Variants in QRFPR observed in about 807,000 individuals in gnomAD.
QRFPR encodes pyroglutamylated RFamide peptide receptor, also known as pyroglutamylated RF-amide peptide receptor.
A neutral mutation model predicts 31.3 loss-of-function variants in QRFPR; 37 were observed. That is an observed-to-expected ratio of 1.18 (90% CI 0.91 to 1.56). The LOEUF is 1.56. Among genes scored for constraint, QRFPR ranks in the 40% most tolerant of loss-of-function variants. The probability of loss-of-function intolerance (pLI) is 0.00; values close to 1 mark genes in which losing one functional copy is unlikely to be tolerated. For missense variants in QRFPR, 542 were observed against 532.5 expected, an observed-to-expected ratio of 1.02 and a Z score of -0.18; for synonymous variants, 197 against 192.0, an observed-to-expected ratio of 1.03 and a Z score of -0.22.
intron 1 of QRFPR, among the ~76,000 whole-genome samples, chr4:121,349,595 C>T (rs1579577304): frequency 2.0e-5 from 3 of 152,188 alleles, no homozygotes; most frequent in Middle Eastern, 6.8e-3. Flanking sequence ...GACACATACC[C>T]CCCATTTAAT....
chr4:121,329,743 C>T (rs148645847), intron 5 of QRFPR, 29 bp from the exon 6 acceptor site: 107 of 1,389,308 alleles, frequency 7.7e-5, no homozygotes, highest in South Asian at 2.7e-4. Context: ...TTAGAATGTA[C>T]GTTTATTTTA....
intron 1 of QRFPR, among the ~76,000 whole-genome samples, chr4:121,359,598 T>C (rs994428108): frequency 1.3e-5 from 2 of 151,914 alleles, no homozygotes; most frequent in African/African-American, 4.8e-5. Context: ...GACCTTGTGA[T>C]TGTGTAAGTT....
At position 121,332,941 on chromosome 4, in the gene QRFPR, G is replaced by T; in HGVS notation, c.677C>A (p.Pro226His). The T allele has an allele frequency of 6.2e-7, 1 of 1,613,990 alleles. No homozygotes were observed. The highest frequency in any genetic ancestry group is 8.5e-7 in the Non-Finnish European group (1 of 1,179,882). The change falls in exon 4 of 6, where the codon CCT (proline) becomes CAT (histidine). Residue 226 changes from proline to histidine, a missense_variant. Coordinates refer to ENST00000394427, the MANE Select transcript of QRFPR (RefSeq NM_198179.3). ...GTACAGAATAAGCATCACCATAAGAGGCAGGAGGAAGAGGATGACAAGGAT... is the reference window on the plus strand; with the variant it reads ...GTACAGAATAAGCATCACCATAAGATGCAGGAGGAAGAGGATGACAAGGAT... ...TFILVILFLL[P>H]LMVMLILYSK...
intron 1 of QRFPR, chr4:121,369,574 G>C: frequency 6.2e-7 from 1 of 1,611,206 alleles, no homozygotes; most frequent in Non-Finnish European, 8.5e-7. Context: ...GGTTGGCCTG[G>C]GCACGGATCA....
At chr4:121,374,070 T>G (rs1726303861) in intron 1 of QRFPR, among the ~76,000 whole-genome samples, 1 of 152,248 alleles carries the variant, frequency 6.6e-6, no homozygotes, top group Non-Finnish European at 1.5e-5. Context: ...AATTTATAAC[T>G]AAAGTTCTAT....
Position 121,329,638 on chromosome 4 carries a change from G to A in QRFPR, c.972C>T (p.Asn324=), listed in dbSNP as rs764870898. The change falls in exon 6 of 6, where the codon AAC becomes AAT. Residue 324 remains asparagine, a synonymous_variant. Coordinates refer to ENST00000394427, the MANE Select transcript of QRFPR (RefSeq NM_198179.3). The part of the protein sequence containing the change: ...FAIVQIIGFS[N]SICNPIVYAF... ...CATAGACAATGGGATTACAGATGGA[G>A]TTGGAAAATCCAATAATTTGCACGA... The A allele has an allele frequency of 6.2e-7, 1 of 1,600,540 alleles. No homozygotes were observed. Among genetic ancestry groups the A allele is most frequent in the Non-Finnish European group, 8.5e-7 (1 of 1,174,078 alleles).
At chr4:121,372,976 T>C (rs765001033) in intron 1 of QRFPR, among the ~76,000 whole-genome samples, 4 of 152,156 alleles carry the variant, frequency 2.6e-5, no homozygotes, top group Non-Finnish European at 5.9e-5. Context: ...AGGGGGAGGA[T>C]GATCACTGTT....
chr4:121,380,224 AGAGAG>A (rs1213228928), intron 1 of QRFPR, 79 bp downstream of exon 1: 1 of 879,082 alleles, frequency 1.1e-6, no homozygotes, highest in African/African-American at 1.7e-5. Context: ...AGAGAGAGAG[AGAGAG>A]AGAGAGAGAG....
chr4:121,331,647 A>G lies in QRFPR; in HGVS notation c.798-1124T>C, dbSNP rs138719333. ...CATTATTATTATTATTATTATTATT[A>G]TTATTATTATTGTTATTATTATGGA... On this transcript the variant is annotated intron_variant, in intron 4 of 5. Coordinates refer to ENST00000394427, the MANE Select transcript of QRFPR (RefSeq NM_198179.3). Among the ~76,000 whole-genome samples the G allele has an allele frequency of 5.6e-5, 8 of 142,298 alleles. No homozygotes were observed. The East Asian group carries it at 1.4e-3, about 24-fold the overall frequency. 93.4% of individuals were successfully genotyped at this position (142,298 alleles called of 152,430 possible). A position where few individuals can be genotyped will look rare whatever the true frequency, so the allele number is the denominator to read the frequency against.
At chr4:121,379,718 T>C (rs924643977) in intron 1 of QRFPR, among the ~76,000 whole-genome samples, 6 of 152,202 alleles carry the variant, frequency 3.9e-5, no homozygotes, top group African/African-American at 1.4e-4. Flanking sequence ...TGACACTTAA[T>C]ACAGTTTTTA....
At chr4:121,361,208 AC>A (rs1249968626) in intron 1 of QRFPR, among the ~76,000 whole-genome samples, 1 of 150,300 alleles carries the variant, frequency 6.7e-6, no homozygotes, top group African/African-American at 2.5e-5. Context: ...TTTCACAAAG[AC>A]CATATTTACT....
Position 121,380,640 on chromosome 4 carries a change from G to C in QRFPR, c.8C>G (p.Ala3Gly), listed in dbSNP as rs763067679. The change falls in exon 1 of 6, where the codon GCG (alanine) becomes GGG (glycine). Residue 3 changes from alanine (A) to glycine (G), a missense_variant. Physicochemically the swap from Ala to Gly is moderately conservative, Grantham distance 60. Transcript: ENST00000394427. Reference sequence around the variant, plus strand: ...GAACTGCTCCGGGGTAATGTTAAGCGCCTGCATTGCTGTGCGCTCCCGGGA... The same window carrying C: ...GAACTGCTCCGGGGTAATGTTAAGCCCCTGCATTGCTGTGCGCTCCCGGGA... MQ[A>G]LNITPEQFSR... 6.5e-7 allele frequency: 1 copy of C among 1,549,650 alleles called. No individual in the cohort carries two copies. The highest frequency in any genetic ancestry group is 8.7e-7 in the Non-Finnish European group (1 of 1,143,760).
At chr4:121,340,108 C>CAAAAAAA (rs58311512) in intron 2 of QRFPR, 70 of 131,878 alleles carry the variant, frequency 5.3e-4, no homozygotes, top group East Asian at 1.6e-3. Context: ...CACTCTGTCT[C>CAAAAAAA]AAAAAAAAAA....
chr4:121,370,095 C>A, intron 1 of QRFPR: 1 of 770,618 alleles, frequency 1.3e-6, no homozygotes, highest in Non-Finnish European at 2.4e-6. Context: ...TGGCCGATGA[C>A]AGGGACTGGC....
At chr4:121,343,162 C>A (rs1490493602) in intron 1 of QRFPR, among the ~76,000 whole-genome samples, 2 of 152,216 alleles carry the variant, frequency 1.3e-5, no homozygotes, top group South Asian at 4.1e-4. Flanking sequence ...AGTCTGAACA[C>A]CCTCTTCTGT....
chr4:121,351,393 C>T (rs528211103), intron 1 of QRFPR, among the ~76,000 whole-genome samples: 5 of 152,210 alleles, frequency 3.3e-5, no homozygotes, highest in South Asian at 4.2e-4. Flanking sequence ...AACAAGTTCC[C>T]TAGTGCACAA....
At chr4:121,374,230 G>A (rs1055182958) in intron 1 of QRFPR, among the ~76,000 whole-genome samples, 9 of 152,114 alleles carry the variant, frequency 5.9e-5, no homozygotes, top group South Asian at 2.1e-4. Context: ...TGCAGAAAAC[G>A]GAAGAATTGC....
chr4:121,380,829 G>T lies in QRFPR; in HGVS notation c.-182C>A. ...GGTTCGGGAAAGGAGAGCAGCTCAGGGATCAAACCCACGATAAAGAGGCGG... is the reference window on the plus strand; with the variant it reads ...GGTTCGGGAAAGGAGAGCAGCTCAGTGATCAAACCCACGATAAAGAGGCGG... On this transcript the variant is annotated 5_prime_UTR_variant, in exon 1 of 6. Coordinates refer to ENST00000394427, the MANE Select transcript of QRFPR (RefSeq NM_198179.3). 1.7e-6 allele frequency: 1 copy of T among 575,602 alleles called. No individual in the cohort carries two copies. Among genetic ancestry groups the T allele is most frequent in the South Asian group, 2.4e-5 (1 of 42,216 alleles). The allele number at this position is 575,602 out of a possible 1,614,324, so 35.7% of individuals were successfully genotyped here. A position where few individuals can be genotyped will look rare whatever the true frequency, so the allele number is the denominator to read the frequency against.
chr4:121,353,140 C>T (rs1471921329), intron 1 of QRFPR, among the ~76,000 whole-genome samples: 1 of 152,064 alleles, frequency 6.6e-6, no homozygotes, highest in African/African-American at 2.4e-5. Flanking sequence ...AGGTTGATTC[C>T]ATATCTTGGC....
Sources: gnomAD v4.1 joint callset for allele counts (sites outside exome capture counted in the v4.1 genomes callset) on GRCh38, gnomAD v4.1.1 for gene constraint, MANE v1.5 for transcripts, NCBI Gene and HGNC (gene_info 2026-07-23, HGNC 2026-07-21) for gene names.